Variants in DENND4C observed in about 807,000 individuals in gnomAD.
DENND4C encodes the protein DENN domain containing 4C.
Under a neutral mutation model 203.0 loss-of-function variants are expected in DENND4C, and 108 were observed. The observed-to-expected ratio is 0.53, with a 90% CI of 0.46 to 0.62. The LOEUF (loss-of-function observed/expected upper bound fraction) is 0.62, where lower values mean the gene tolerates loss of function less well. DENND4C is among the 20% of genes least tolerant of loss of function. The pLI is 0.00. For missense variants in DENND4C, 2,481 were observed against 2,301.2 expected, an observed-to-expected ratio of 1.08 and a Z score of -1.60; for synonymous variants, 871 against 792.4, an observed-to-expected ratio of 1.10 and a Z score of -1.67.
At chr9:19,355,770 G>T (rs1336150041) in intron 26 of DENND4C, among the ~76,000 whole-genome samples, 1 of 151,760 alleles carries the variant, frequency 6.6e-6, no homozygotes, top group Non-Finnish European at 1.5e-5. Flanking sequence ...TAAGTTTGAG[G>T]TCCTCAAAAA....
chr9:19,316,567 A>C (rs1235219029), intron 11 of DENND4C, 50 bp downstream of exon 11: 2 of 1,602,426 alleles, frequency 1.2e-6, no homozygotes, highest in Non-Finnish European at 1.7e-6. Flanking sequence ...TATACGAGAA[A>C]ATTCTTCTTA....
At chr9:19,292,997 A>G (rs1046279863) in intron 5 of DENND4C, among the ~76,000 whole-genome samples, 3 of 152,234 alleles carry the variant, frequency 2.0e-5, no homozygotes, top group African/African-American at 7.2e-5. Context: ...TAAAGATAAT[A>G]TATGTAAAGT....
rs531882722 is a variant in DENND4C at position 19,373,683 on chromosome 9, AG to A, written c.*1512del. ...ATGCCTTTTATTAAAAATATCCCTTAGGAACAGTAAGTTTGCCTTAACTCTC... is the reference window on the plus strand; with the variant it reads ...ATGCCTTTTATTAAAAATATCCCTTAGAACAGTAAGTTTGCCTTAACTCTC... On this transcript the variant is annotated 3_prime_UTR_variant, in exon 33 of 33. Transcript: ENST00000434457. The A allele has an allele frequency of 2.2e-4, 33 of 152,704 alleles. No individual in the cohort carries two copies. Among genetic ancestry groups the A allele is most frequent in the African/African-American group, 7.9e-4 (33 of 41,572 alleles). The allele number at this position is 152,704 out of a possible 1,614,324, so 9.5% of individuals were successfully genotyped here.
At chr9:19,317,213 G>A (rs1005846616) in intron 12 of DENND4C, among the ~76,000 whole-genome samples, 2 of 140,906 alleles carry the variant, frequency 1.4e-5, no homozygotes, top group Non-Finnish European at 3.0e-5. Flanking sequence ...ATAGAGCAGA[G>A]TCTTGCTGTG....
intron 1 of DENND4C, among the ~76,000 whole-genome samples, chr9:19,266,196 C>G (rs925548784): frequency 6.6e-6 from 1 of 152,208 alleles, no homozygotes; most frequent in African/African-American, 2.4e-5. Flanking sequence ...TTGCATTTCT[C>G]TGATGGCCAG....
chr9:19,290,566 A>G (rs574414020), intron 4 of DENND4C, 138 bp from the exon 5 acceptor site: 1 of 545,264 alleles, frequency 1.8e-6, no homozygotes, highest in African/African-American at 1.9e-5. Flanking sequence ...TGTTATAGCA[A>G]GGGGGAAATC....
intron 2 of DENND4C, among the ~76,000 whole-genome samples, chr9:19,277,650 G>A (rs1833154405): frequency 6.6e-6 from 1 of 152,048 alleles, no homozygotes; most frequent in Non-Finnish European, 1.5e-5. Flanking sequence ...TGCTTTGTGT[G>A]TGTGTGTGTG....
At chr9:19,283,728 T>C (rs1834621153) in intron 2 of DENND4C, among the ~76,000 whole-genome samples, 1 of 147,000 alleles carries the variant, frequency 6.8e-6, no homozygotes, top group African/African-American at 2.5e-5. Context: ...CGCCAGTAGC[T>C]GGGACTACAG....
chr9:19,281,613 A>G (rs1259477525), intron 2 of DENND4C, among the ~76,000 whole-genome samples: 1 of 152,234 alleles, frequency 6.6e-6, no homozygotes, highest in Non-Finnish European at 1.5e-5. Context: ...TTAAGTTAAA[A>G]TATGTAAAAT....
intron 12 of DENND4C, among the ~76,000 whole-genome samples, chr9:19,317,638 A>C (rs1842073887): frequency 6.6e-6 from 1 of 152,170 alleles, no homozygotes; most frequent in Non-Finnish European, 1.5e-5. Flanking sequence ...AGTGTAACTT[A>C]CCACTTAAAT....
rs370713259 is a variant in DENND4C at position 19,316,883 on chromosome 9, A to G, written c.1807+44A>G. On this transcript the variant is annotated intron_variant, in intron 12 of 32. Transcript: ENST00000434457. ...ACAATTCCTTTTATTGAGGTGAAAA[A>G]TATTTTATATTTGATGTTGCTGCCA... 22 of 1,485,770 alleles carry G rather than the reference A, an allele frequency of 1.5e-5. No homozygotes were observed. The African/African-American group carries it at 1.8e-4, about 12-fold the overall frequency. The allele number at this position is 1,485,770 out of a possible 1,614,324, so 92.0% of individuals were successfully genotyped here.
At chr9:19,305,105 A>G (rs1839406896) in intron 9 of DENND4C, among the ~76,000 whole-genome samples, 1 of 152,124 alleles carries the variant, frequency 6.6e-6, no homozygotes, top group South Asian at 2.1e-4. Flanking sequence ...AGAAGAATTA[A>G]CATGCAAAAA....
intron 22 of DENND4C, among the ~76,000 whole-genome samples, chr9:19,343,098 A>G (rs558285370): frequency 1.7e-4 from 26 of 152,302 alleles, no homozygotes; most frequent in African/African-American, 6.3e-4. Context: ...TGCATCATGA[A>G]CAGGCAGTGA....
At chr9:19,361,341 G>T (rs983780966) in intron 29 of DENND4C, among the ~76,000 whole-genome samples, 4 of 152,190 alleles carry the variant, frequency 2.6e-5, no homozygotes, top group Non-Finnish European at 4.4e-5. Flanking sequence ...CATTCTGGCT[G>T]TCTGACTTAA....
At chr9:19,339,315 T>C (rs994000915) in intron 20 of DENND4C, among the ~76,000 whole-genome samples, 1 of 152,228 alleles carries the variant, frequency 6.6e-6, no homozygotes, top group Non-Finnish European at 1.5e-5. Context: ...CCAGTGTTCC[T>C]TGTGGTACTT....
chr9:19,247,252 TTTTC>T (rs1435784920), intron 1 of DENND4C, among the ~76,000 whole-genome samples: 7 of 152,240 alleles, frequency 4.6e-5, no homozygotes, highest in African/African-American at 1.7e-4. Flanking sequence ...GCTTTGTAAC[TTTTC>T]TTTATCAGTA....
chr9:19,314,909 C>G (rs552073294), intron 10 of DENND4C, among the ~76,000 whole-genome samples: 1 of 151,782 alleles, frequency 6.6e-6, no homozygotes, highest in African/African-American at 2.4e-5. Context: ...TGCCTGTAAT[C>G]CCAGCACTTT....
chr9:19,254,157 C>T (rs764832977), intron 1 of DENND4C, among the ~76,000 whole-genome samples: 10 of 152,064 alleles, frequency 6.6e-5, no homozygotes, highest in South Asian at 2.1e-4. Context: ...TTGGAACAGC[C>T]ATTATGGAGC....
intron 23 of DENND4C, among the ~76,000 whole-genome samples, chr9:19,350,024 G>T (rs969147335): frequency 6.6e-6 from 1 of 152,000 alleles, no homozygotes; most frequent in Non-Finnish European, 1.5e-5. Flanking sequence ...ATGTAACATG[G>T]TTTTATAACA....
Sources: gnomAD v4.1 joint callset for allele counts (sites outside exome capture counted in the v4.1 genomes callset) on GRCh38, gnomAD v4.1.1 for gene constraint, MANE v1.5 for transcripts, NCBI Gene and HGNC (gene_info 2026-07-23, HGNC 2026-07-21) for gene names.